NADSYN1: variants seen among roughly 807,000 people sequenced by gnomAD.
NADSYN1 encodes the protein glutamine-dependent NAD(+) synthetase.
NADSYN1 carries 80 observed loss-of-function variants against 99.3 expected under a neutral mutation model. The ratio of observed to expected loss-of-function variants is 0.81; its 90% CI spans 0.67 to 0.97. NADSYN1 has a LOEUF of 0.97. Among genes scored for constraint, NADSYN1 ranks in the 50% least tolerant of loss-of-function variants. The pLI, the probability that NADSYN1 is intolerant of heterozygous loss-of-function variation, is 0.00. For missense variants in NADSYN1, 859 were observed against 948.5 expected (o/e 0.91, Z 1.24); for synonymous variants, 385 against 372.1 (o/e 1.03, Z -0.40).
intron 13 of NADSYN1, among the ~76,000 whole-genome samples, chr11:71,482,279 C>T (rs1319587618): frequency 3.3e-5 from 5 of 152,328 alleles, no homozygotes; most frequent in East Asian, 3.9e-4. Context: ...GCTCTGTGCA[C>T]GGTGTGGCCT....
rs576306587 is a variant in NADSYN1, at chr11:71,478,579, G to C, written c.873+110G>C. The C allele has an allele frequency of 3.0e-6, 3 of 1,006,106 alleles. No homozygotes were observed. The African/African-American group carries it at 4.8e-5, about 16-fold the overall frequency. The allele number at this position is 1,006,106 out of a possible 1,614,324, so 62.3% of individuals were successfully genotyped here. The stretch of plus-strand genomic sequence containing the variant: ...TGAGGGTGCAGTGCCTGAAAAGTCT[G>C]ACAGGGAAGTTCCGGACTTCCCGAG... On this transcript the variant is annotated intron_variant, in intron 10 of 20. Coordinates refer to ENST00000319023, the MANE Select transcript of NADSYN1 (RefSeq NM_018161.5).
chr11:71,463,684 G>A (rs913827954), intron 4 of NADSYN1, among the ~76,000 whole-genome samples, 199 bp downstream of exon 4: 5 of 152,110 alleles, frequency 3.3e-5, no homozygotes, highest in African/African-American at 7.2e-5. Flanking sequence ...AGCCACCACC[G>A]AGACAGGCAT....
rs183105354 is a variant in NADSYN1, at chr11:71,468,959, G to A, written c.408-3490G>A. ...TGGGAAAAAATGATAAAATTTTATG[G>A]GAGGGCATTATTGACTACTGAGCTA... On this transcript the variant is annotated intron_variant, in intron 5 of 20. Coordinates refer to ENST00000319023, the MANE Select transcript of NADSYN1 (RefSeq NM_018161.5). Among the ~76,000 whole-genome samples, 482 of 152,256 alleles carry A rather than the reference G, an allele frequency of 3.2e-3. 1 individual carries two copies. Among genetic ancestry groups the A allele is most frequent in the Non-Finnish European group, 5.5e-3 (376 of 68,020 alleles).
chr11:71,487,308 A>G (rs189912157), intron 16 of NADSYN1, among the ~76,000 whole-genome samples: 45 of 152,172 alleles, frequency 3.0e-4, no homozygotes, highest in Admixed American at 2.5e-3. Context: ...CGGCTGGTGT[A>G]TATTCTCAGC....
rs1194453627 is a variant in NADSYN1, at chr11:71,473,288, C to A, written c.470C>A (p.Pro157His). The A allele has an allele frequency of 3.1e-6, 5 of 1,614,146 alleles. No homozygotes were observed. The South Asian group carries it at 4.4e-5, about 14-fold the overall frequency. The change falls in exon 7 of 21, where the codon CCC (proline) becomes CAC (histidine). Residue 157 changes from proline to histidine, a missense_variant. Physicochemically the swap from Pro to His is moderately conservative, Grantham distance 77. Transcript: ENST00000319023. Reference sequence around the variant, plus strand: ...CTCTTCCGACTGCAGGAAACCGTACCCTTCGGAGATGCGGTGCTGGTGACA... The same window carrying A: ...CTCTTCCGACTGCAGGAAACCGTACACTTCGGAGATGCGGTGCTGGTGACA... The part of the protein sequence containing the change: ...IQDLTKQETV[P>H]FGDAVLVTWD...
At chr11:71,495,497 G>C (rs1208875636) in intron 18 of NADSYN1, among the ~76,000 whole-genome samples, 1 of 152,210 alleles carries the variant, frequency 6.6e-6, no homozygotes, top group African/African-American at 2.4e-5. Context: ...TTCCGCTGCC[G>C]CTGGGTGCAG....
At chr11:71,481,271 C>G in intron 11 of NADSYN1, 85 bp from the exon 12 acceptor site, 3 of 1,401,656 alleles carry the variant, frequency 2.1e-6, no homozygotes, top group Non-Finnish European at 3.0e-6. Context: ...GGCACTGCAG[C>G]CTCCTGGGGC....
intron 5 of NADSYN1, among the ~76,000 whole-genome samples, chr11:71,471,517 C>T (rs1225109744): frequency 6.6e-6 from 1 of 152,190 alleles, no homozygotes; most frequent in Non-Finnish European, 1.5e-5. Flanking sequence ...GCCTGTCCCG[C>T]TGGGTCTTTG....
intron 5 of NADSYN1, among the ~76,000 whole-genome samples, chr11:71,470,531 A>G (rs1446012799): frequency 6.6e-6 from 1 of 152,222 alleles, no homozygotes; most frequent in Non-Finnish European, 1.5e-5. Flanking sequence ...TCTTTTGCAT[A>G]ATATATTTTG....
rs963620519 is a variant in NADSYN1, at chr11:71,491,762, T to C, written c.1695-72T>C. 6.3e-6 allele frequency: 9 copies of C among 1,420,090 alleles called. No individual in the cohort carries two copies. In the Admixed American group the frequency reaches 6.9e-5, roughly 11 times the overall value. 88.0% of individuals were successfully genotyped at this position (1,420,090 alleles called of 1,614,324 possible). A position where few individuals can be genotyped will look rare whatever the true frequency, so the allele number is the denominator to read the frequency against. On this transcript the variant is annotated intron_variant, in intron 17 of 20. Coordinates refer to ENST00000319023, the MANE Select transcript of NADSYN1 (RefSeq NM_018161.5). ...ACCAGCGTACTCGGGAAACTTAGTC[T>C]GGGGATTCTCTCCCAGAGCTCACAC...
chr11:71,494,659 A>T (rs541551146), intron 18 of NADSYN1, among the ~76,000 whole-genome samples: 3 of 152,186 alleles, frequency 2.0e-5, no homozygotes, highest in African/African-American at 7.2e-5. Context: ...CAAGCAAGCA[A>T]TTCTCCTGCC....
chr11:71,453,947 A>G (rs548488356), intron 1 of NADSYN1, among the ~76,000 whole-genome samples: 1 of 152,326 alleles, frequency 6.6e-6, no homozygotes, highest in African/African-American at 2.4e-5. Context: ...TCTACTAAAA[A>G]TACAAAAATC....
chr11:71,485,595 T>G lies in NADSYN1; in HGVS notation c.1509T>G (p.Ser503=), dbSNP rs1949736877. ...TGTTTGCTCAGTTGAGCCTCTGGTC[T>G]CGGGGTGTCCACGGTGGGCTCCTCG... The part of the protein sequence containing the change: ...AYLFAQLSLW[S]RGVHGGLLVL... The change falls in exon 16 of 21, where the codon TCT becomes TCG. Residue 503 remains serine, a synonymous_variant. Coordinates refer to ENST00000319023, the MANE Select transcript of NADSYN1 (RefSeq NM_018161.5). 1 of 1,562,792 alleles carries G rather than the reference T, an allele frequency of 6.4e-7. No homozygotes were observed. Among genetic ancestry groups the G allele is most frequent in the Admixed American group, 1.9e-5 (1 of 52,020 alleles).
chr11:71,489,254 A>G (rs1949763730), intron 16 of NADSYN1, among the ~76,000 whole-genome samples: 1 of 151,900 alleles, frequency 6.6e-6, no homozygotes, highest in Non-Finnish European at 1.5e-5. Context: ...GTGGTCCTGT[A>G]TTGAAATTTA....
intron 8 of NADSYN1, among the ~76,000 whole-genome samples, chr11:71,474,014 G>A (rs75143148): frequency 0.047 from 7,152 of 152,298 alleles, 560 homozygotes; most frequent in African/African-American, 0.16. Context: ...GCAGTGAGAC[G>A]TGCGAGGGGC....
At chr11:71,488,289 TCCG>T (rs1222867903) in intron 16 of NADSYN1, among the ~76,000 whole-genome samples, 1 of 151,536 alleles carries the variant, frequency 6.6e-6, no homozygotes, top group African/African-American at 2.4e-5. Flanking sequence ...GTAGGAAACG[TCCG>T]CCGAGAGAGC....
At chr11:71,471,697 G>A (rs1949628215) in intron 5 of NADSYN1, among the ~76,000 whole-genome samples, 1 of 152,224 alleles carries the variant, frequency 6.6e-6, no homozygotes, top group East Asian at 1.9e-4. Context: ...GCAGCCTGCA[G>A]TTCTGTAGGA....
At chr11:71,482,713 G>C in intron 13 of NADSYN1, 136 bp from the exon 14 acceptor site, 1 of 850,324 alleles carries the variant, frequency 1.2e-6, no homozygotes, top group East Asian at 2.7e-5. Context: ...AGACCGGGGT[G>C]GAGCCGCACA....
Position 71,453,215 on chromosome 11 carries a change from C to T in NADSYN1, c.-82C>T, listed in dbSNP as rs1331474836. The T allele has an allele frequency of 7.8e-7, 1 of 1,276,326 alleles. No homozygotes were observed. The highest frequency in any genetic ancestry group is 2.0e-5 in the Admixed American group (1 of 49,642). The allele number at this position is 1,276,326 out of a possible 1,614,324, so 79.1% of individuals were successfully genotyped here. A position where few individuals can be genotyped will look rare whatever the true frequency, so the allele number is the denominator to read the frequency against. ...GGCGGGGCCGGGCAACCCGGAAGGTCCGGCGTCCCAGCCGCCTACCTCGCT... is the reference window on the plus strand; with the variant it reads ...GGCGGGGCCGGGCAACCCGGAAGGTTCGGCGTCCCAGCCGCCTACCTCGCT... On this transcript the variant is annotated 5_prime_UTR_variant, in exon 1 of 21. Transcript: ENST00000319023.
Sources: gnomAD v4.1 joint callset for allele counts (sites outside exome capture counted in the v4.1 genomes callset) on GRCh38, gnomAD v4.1.1 for gene constraint, MANE v1.5 for transcripts, NCBI Gene and HGNC (gene_info 2026-07-23, HGNC 2026-07-21) for gene names.